Variants in ABCA13 observed in about 807,000 individuals in gnomAD.
ABCA13 encodes the protein ATP-binding cassette sub-family A member 13.
In ABCA13, 476 loss-of-function variants were observed where a neutral mutation model predicts 478.7. The observed-to-expected ratio is 0.99, with a 90% confidence interval of 0.92 to 1.07. The LOEUF (loss-of-function observed/expected upper bound fraction) is 1.07. ABCA13 is among the 50% of genes least tolerant of loss of function. ABCA13 has a pLI of 0.00. For missense variants in ABCA13, 6,060 were observed against 5,910.6 expected (o/e 1.03, Z -0.83); for synonymous variants, 2,252 against 2,158.9 (o/e 1.04, Z -1.20).
chr7:48,405,008 C>T (rs895065050), intron 39 of ABCA13, among the ~76,000 whole-genome samples: 1 of 152,232 alleles, frequency 6.6e-6, no homozygotes. Context: ...GGTGCTGGCT[C>T]CTCAATCATG....
At chr7:48,586,591 G>A (rs1789202898) in intron 56 of ABCA13, among the ~76,000 whole-genome samples, 1 of 152,038 alleles carries the variant, frequency 6.6e-6, no homozygotes, top group Admixed American at 6.6e-5. Flanking sequence ...TGCGGAGGGA[G>A]GGCGTGTGAC....
At chr7:48,289,602 G>A (rs1438377084) in intron 20 of ABCA13, among the ~76,000 whole-genome samples, 3 of 151,952 alleles carry the variant, frequency 2.0e-5, no homozygotes, top group Admixed American at 2.0e-4. Flanking sequence ...CTCGTGATCT[G>A]CCCACCTCGA....
chr7:48,263,934 TCTC>T (rs1209236091), intron 15 of ABCA13, among the ~76,000 whole-genome samples: 1 of 151,998 alleles, frequency 6.6e-6, no homozygotes, highest in East Asian at 1.9e-4. Context: ...AAAAGCTTCT[TCTC>T]TATTGTCAAT....
rs116326189 is a variant in ABCA13 at position 48,413,414 on chromosome 7, C to T, written c.12459+831C>T. ...GTTCTTCATAGAGTACACTTAACAA[C>T]AGGCAGAAATAGGCGTTTCCTCCAG... On this transcript the variant is annotated intron_variant, in intron 41 of 61. Transcript: ENST00000435803. Among the ~76,000 whole-genome samples the T allele has an allele frequency of 5.2e-3, 798 of 152,310 alleles. 5 individuals carry two copies. The highest frequency in any genetic ancestry group is 0.018 in the African/African-American group (759 of 41,552).
chr7:48,408,882 T>A (rs949951135), intron 39 of ABCA13, among the ~76,000 whole-genome samples: 1 of 152,154 alleles, frequency 6.6e-6, no homozygotes, highest in Admixed American at 6.5e-5. Flanking sequence ...TGTGTGTTGT[T>A]CCCTCTATGT....
At chr7:48,538,228 G>A (rs1377901824) in intron 55 of ABCA13, among the ~76,000 whole-genome samples, 6 of 150,704 alleles carry the variant, frequency 4.0e-5, no homozygotes, top group Non-Finnish European at 8.9e-5. Flanking sequence ...AGCCTCCTGA[G>A]TAGCTGGGAT....
chr7:48,323,732 C>A (rs1803871959), intron 27 of ABCA13, among the ~76,000 whole-genome samples: 1 of 152,168 alleles, frequency 6.6e-6, no homozygotes, highest in African/African-American at 2.4e-5. Context: ...TATTTTGAAG[C>A]CTGTGATATG....
In ABCA13 at chr7:48,372,515, T is replaced by TAA. The variant is rs11357239; in HGVS notation, c.11133+35_11133+36dup. On this transcript the variant is annotated intron_variant, in intron 33 of 61. Transcript: ENST00000435803. ...CATTTCTGGTAAGTAAGTTGTTTTG[T>TAA]AAAAAAAAAAAAAAAAAACAACAAA... 7,193 of 1,185,066 alleles carry TAA rather than the reference T, an allele frequency of 6.1e-3. 3 individuals carry two copies. The highest frequency in any genetic ancestry group is 0.012 in the South Asian group (662 of 55,148). The allele number at this position is 1,185,066 out of a possible 1,614,324, so 73.4% of individuals were successfully genotyped here.
Position 48,279,935 on chromosome 7 carries a change from G to T in ABCA13, c.8726+15G>T. 6.7e-7 allele frequency: 1 copy of T among 1,500,886 alleles called. No homozygotes were observed. The highest frequency in any genetic ancestry group is 1.4e-5 in the South Asian group (1 of 69,134). The allele number at this position is 1,500,886 out of a possible 1,614,324, so 93.0% of individuals were successfully genotyped here. On this transcript the variant is annotated intron_variant, in intron 18 of 61. Coordinates refer to ENST00000435803, the MANE Select transcript of ABCA13 (RefSeq NM_152701.5). Reference sequence around the variant, plus strand: ...ACAGATCAAAGGTAATTAAAAAGCTGAATTCACTTTGTTTTTTTCTCTACC... The same window carrying T: ...ACAGATCAAAGGTAATTAAAAAGCTTAATTCACTTTGTTTTTTTCTCTACC...
Position 48,369,185 on chromosome 7 carries a change from G to GA in ABCA13, c.10803+1278dup, listed in dbSNP as rs547712652. 8.5e-5 allele frequency among the ~76,000 whole-genome samples: 13 copies of GA among 152,142 alleles called. No homozygotes were observed. In the East Asian group the frequency reaches 2.3e-3, roughly 27 times the overall value. On this transcript the variant is annotated intron_variant, in intron 32 of 61. Coordinates refer to ENST00000435803, the MANE Select transcript of ABCA13 (RefSeq NM_152701.5). Reference sequence around the variant, plus strand: ...ATGAGTATTTTTCCATATGTTTGTTGACCATTTGTCTATCTTCTTTTGAGA... The same window carrying GA: ...ATGAGTATTTTTCCATATGTTTGTTGAACCATTTGTCTATCTTCTTTTGAGA...
chr7:48,367,857 G>T lies in ABCA13; in HGVS notation c.10752G>T (p.Val3584=). 2 of 1,582,844 alleles carry T rather than the reference G, an allele frequency of 1.3e-6. No homozygotes were observed. Among genetic ancestry groups the T allele is most frequent in the Non-Finnish European group, 8.6e-7 (1 of 1,163,432 alleles). The part of the protein sequence containing the change: ...LIMMLTWMVS[V]ASMVRKLVYE... The stretch of plus-strand genomic sequence containing the variant: ...TGATGCTGACGTGGATGGTGTCTGT[G>T]GCCAGCATGGTCAGAAAGTTGGTGT... The change falls in exon 32 of 62, where the codon GTG becomes GTT. Residue 3584 remains valine (V), a synonymous_variant. Coordinates refer to ENST00000435803, the MANE Select transcript of ABCA13 (RefSeq NM_152701.5).
chr7:48,267,144 T>C (rs1204156521), intron 15 of ABCA13, among the ~76,000 whole-genome samples: 1 of 152,072 alleles, frequency 6.6e-6, no homozygotes, highest in Non-Finnish European at 1.5e-5. Context: ...GAAGAATATG[T>C]ATTATGTTGT....
chr7:48,291,706 GA>G (rs1798561230), intron 20 of ABCA13, among the ~76,000 whole-genome samples: 1 of 152,160 alleles, frequency 6.6e-6, no homozygotes, highest in African/African-American at 2.4e-5. Flanking sequence ...CATGGCAACT[GA>G]AAAACTACTC....
intron 41 of ABCA13, among the ~76,000 whole-genome samples, chr7:48,419,829 A>C (rs998145536): frequency 1.3e-5 from 2 of 152,208 alleles, no homozygotes; most frequent in African/African-American, 2.4e-5. Flanking sequence ...GAAAGAAATT[A>C]TCTCTCTAAG....
At chr7:48,284,514 T>TC (rs1797463222) in intron 19 of ABCA13, among the ~76,000 whole-genome samples, 1 of 152,200 alleles carries the variant, frequency 6.6e-6, no homozygotes, top group African/African-American at 2.4e-5. Flanking sequence ...AACTTCTTCC[T>TC]CGTTCTTGAA....
chr7:48,302,841 A>G (rs183770979), intron 23 of ABCA13, among the ~76,000 whole-genome samples: 1 of 152,290 alleles, frequency 6.6e-6, no homozygotes, highest in East Asian at 1.9e-4. Flanking sequence ...AATGATTTAT[A>G]TTCCTTTGGG....
At chr7:48,578,025 C>T (rs1282729836) in intron 55 of ABCA13, among the ~76,000 whole-genome samples, 2 of 152,110 alleles carry the variant, frequency 1.3e-5, no homozygotes, top group Non-Finnish European at 2.9e-5. Flanking sequence ...AAAGCCAACA[C>T]TTATTCATGA....
chr7:48,288,123 T>C (rs1397466021), intron 20 of ABCA13, 45 bp downstream of exon 20: 1 of 1,546,722 alleles, frequency 6.5e-7, no homozygotes, highest in Non-Finnish European at 8.9e-7. Context: ...TTCATGACTA[T>C]TGGCCCTTGC....
At chr7:48,175,336 T>C (rs36195022) in intron 1 of ABCA13, among the ~76,000 whole-genome samples, 79,851 of 151,756 alleles carry the variant, frequency 0.53, 21,293 homozygotes, top group Admixed American at 0.63. Context: ...GGGTAATGAG[T>C]ATAACTGTTA....
Sources: gnomAD v4.1 joint callset for allele counts (sites outside exome capture counted in the v4.1 genomes callset) on GRCh38, gnomAD v4.1.1 for gene constraint, MANE v1.5 for transcripts, NCBI Gene and HGNC (gene_info 2026-07-23, HGNC 2026-07-21) for gene names.